Variants in GLI3 observed in about 807,000 individuals in gnomAD.
GLI3 encodes transcription activator GLI3.
A neutral mutation model predicts 100.8 loss-of-function variants in GLI3; 20 were observed. The ratio of observed to expected loss-of-function variants is 0.20; its 90% confidence interval spans 0.14 to 0.29. GLI3 has a LOEUF of 0.29. Among genes scored for constraint, GLI3 ranks in the 10% least tolerant of loss-of-function variants. GLI3 has a pLI of 1.00. For synonymous variants in GLI3, 938 were observed against 860.5 expected, an observed-to-expected ratio of 1.09 and a Z score of -1.58; for missense variants, 2,040 against 2,128.5, an observed-to-expected ratio of 0.96 and a Z score of 0.82.
At chr7:42,020,889 CAAA>C (rs371389453) in intron 10 of GLI3, among the ~76,000 whole-genome samples, 1 of 113,122 alleles carries the variant, frequency 8.8e-6, no homozygotes, top group African/African-American at 3.4e-5. Flanking sequence ...GACTCCGTCT[CAAA>C]AAAAAAAAAA....
chr7:41,997,909 C>T (rs1788171348), intron 10 of GLI3, among the ~76,000 whole-genome samples: 1 of 152,172 alleles, frequency 6.6e-6, no homozygotes, highest in South Asian at 2.1e-4. Context: ...AAAAGATTTT[C>T]TCAATTTAGC....
intron 7 of GLI3, among the ~76,000 whole-genome samples, chr7:42,029,860 C>G (rs987254126): frequency 6.6e-6 from 1 of 152,180 alleles, no homozygotes; most frequent in Non-Finnish European, 1.5e-5. Context: ...ACGCAGTACT[C>G]TCTAAAACTC....
rs1242106531 is a variant in GLI3 at position 41,965,254 on chromosome 7, A to T, written c.3819T>A (p.Gly1273=). 2 of 1,612,236 alleles carry T rather than the reference A, an allele frequency of 1.2e-6. No homozygotes were observed. The part of the protein sequence containing the change: ...VAPGALDGAC[G]AGIQASKLKS... ...TCAGCTTTGAGGCTTGAATCCCGGCACCACAGGCACCGTCGAGTGCACCAG... is the reference window on the plus strand; with the variant it reads ...TCAGCTTTGAGGCTTGAATCCCGGCTCCACAGGCACCGTCGAGTGCACCAG... Residue 1273 remains glycine, a synonymous_variant, in exon 15 of 15, where the codon GGT becomes GGA. Transcript: ENST00000395925.
At chr7:42,243,430 C>T (rs550404805) in intron 1 of GLI3, among the ~76,000 whole-genome samples, 2 of 152,172 alleles carry the variant, frequency 1.3e-5, no homozygotes, top group East Asian at 1.9e-4. Context: ...TGACTAGTAG[C>T]CTCACTTCTT....
At chr7:42,215,098 T>C (rs1199635541) in intron 2 of GLI3, among the ~76,000 whole-genome samples, 4 of 152,104 alleles carry the variant, frequency 2.6e-5, no homozygotes, top group African/African-American at 9.7e-5. Flanking sequence ...GTTCCTATGC[T>C]TTCTATCATT....
chr7:42,177,589 T>A (rs1787505862), intron 2 of GLI3, among the ~76,000 whole-genome samples: 1 of 152,182 alleles, frequency 6.6e-6, no homozygotes, highest in South Asian at 2.1e-4. Flanking sequence ...TTTCTATGGC[T>A]TAAAAACATG....
intron 10 of GLI3, among the ~76,000 whole-genome samples, chr7:41,990,162 C>T (rs1326549861): frequency 1.3e-5 from 2 of 151,124 alleles, no homozygotes; most frequent in African/African-American, 2.4e-5. Flanking sequence ...ATGACTATCC[C>T]TAAGAAGAAC....
At chr7:42,131,573 T>C (rs1786277599) in intron 3 of GLI3, among the ~76,000 whole-genome samples, 1 of 152,192 alleles carries the variant, frequency 6.6e-6, no homozygotes, top group Non-Finnish European at 1.5e-5. Flanking sequence ...GCTTTCTAGA[T>C]CTTCAACTTT....
At chr7:42,154,358 T>C (rs1786951146) in intron 2 of GLI3, among the ~76,000 whole-genome samples, 1 of 152,064 alleles carries the variant, frequency 6.6e-6, no homozygotes, top group Non-Finnish European at 1.5e-5. Flanking sequence ...GCCAGGGGCT[T>C]TGTGTGTTCC....
At chr7:42,119,172 T>C (rs1438138506) in intron 3 of GLI3, among the ~76,000 whole-genome samples, 2 of 152,212 alleles carry the variant, frequency 1.3e-5, no homozygotes, top group East Asian at 3.8e-4. Flanking sequence ...TCATTCCGAC[T>C]TCTATTAGAA....
chr7:42,075,155 T>C (rs564370970), intron 4 of GLI3, among the ~76,000 whole-genome samples: 1 of 152,334 alleles, frequency 6.6e-6, no homozygotes, highest in African/African-American at 2.4e-5. Context: ...GATAAATTCA[T>C]ATTTGAATTT....
At chr7:42,201,084 A>AGTATATACACTAAG (rs1788029154) in intron 2 of GLI3, among the ~76,000 whole-genome samples, 6 of 152,300 alleles carry the variant, frequency 3.9e-5, no homozygotes, top group African/African-American at 1.2e-4. Context: ...TTTCTTATAA[A>AGTATATACACTAAG]TATATACTTA....
chr7:42,084,396 A>G (rs567181438), intron 3 of GLI3, among the ~76,000 whole-genome samples: 4 of 152,324 alleles, frequency 2.6e-5, no homozygotes, highest in African/African-American at 9.6e-5. Flanking sequence ...GGAAACTTCT[A>G]ACTTCTTCTG....
intron 10 of GLI3, among the ~76,000 whole-genome samples, chr7:42,019,260 TAGAA>T (rs758214607): frequency 6.6e-6 from 1 of 152,160 alleles, no homozygotes; most frequent in Non-Finnish European, 1.5e-5. Context: ...TTCCTCCTCT[TAGAA>T]AGCCTCTCAA....
chr7:42,027,380 A>C (rs1432583841), intron 7 of GLI3, among the ~76,000 whole-genome samples: 3 of 152,144 alleles, frequency 2.0e-5, no homozygotes, highest in African/African-American at 7.2e-5. Flanking sequence ...ATATTTATAT[A>C]TATATATGTA....
intron 2 of GLI3, among the ~76,000 whole-genome samples, chr7:42,199,713 G>A (rs1787999335): frequency 6.6e-6 from 1 of 152,214 alleles, no homozygotes; most frequent in Non-Finnish European, 1.5e-5. Context: ...TTTATCCTGT[G>A]ATGATGGGCT....
intron 1 of GLI3, among the ~76,000 whole-genome samples, chr7:42,254,341 G>T (rs1789064302): frequency 6.6e-6 from 1 of 152,096 alleles, no homozygotes; most frequent in African/African-American, 2.4e-5. Context: ...GGTGAAGGAG[G>T]CCATAGCGAA....
At chr7:42,119,977 C>A (rs369060506) in intron 3 of GLI3, among the ~76,000 whole-genome samples, 2 of 152,322 alleles carry the variant, frequency 1.3e-5, no homozygotes, top group African/African-American at 4.8e-5. Context: ...CACGCACACA[C>A]GCCCTGGACC....
intron 4 of GLI3, among the ~76,000 whole-genome samples, chr7:42,061,440 CT>C (rs976123824): frequency 1.3e-5 from 2 of 152,124 alleles, no homozygotes; most frequent in African/African-American, 2.4e-5. Context: ...CCTACTTCCC[CT>C]GATTCTTTTA....
Sources: gnomAD v4.1 joint callset for allele counts (sites outside exome capture counted in the v4.1 genomes callset) on GRCh38, gnomAD v4.1.1 for gene constraint, MANE v1.5 for transcripts, NCBI Gene and HGNC (gene_info 2026-07-23, HGNC 2026-07-21) for gene names.